Variants in TSPAN5 observed in about 807,000 individuals in gnomAD.
TSPAN5 encodes tetraspanin 5, also known as tetraspanin-5.
In TSPAN5, 10 loss-of-function variants were observed where a neutral mutation model predicts 37.1. That is an observed-to-expected ratio of 0.27 (90% CI 0.17 to 0.46). The LOEUF (loss-of-function observed/expected upper bound fraction) is 0.46. Among genes scored for constraint, TSPAN5 ranks in the 20% least tolerant of loss-of-function variants. The probability of loss-of-function intolerance (pLI) is 1.00; values close to 1 mark genes in which losing one functional copy is unlikely to be tolerated. For missense variants in TSPAN5, 195 were observed against 326.6 expected (o/e 0.60, Z 3.11); for synonymous variants, 110 against 118.9 (o/e 0.93, Z 0.48).
At chr4:98,532,949 T>C (rs560778749) in intron 1 of TSPAN5, among the ~76,000 whole-genome samples, 4 of 152,222 alleles carry the variant, frequency 2.6e-5, no homozygotes, top group Non-Finnish European at 5.9e-5. Context: ...GAGATAATCA[T>C]GCGGTTTTTG....
intron 1 of TSPAN5, among the ~76,000 whole-genome samples, chr4:98,562,675 A>G (rs1754908358): frequency 6.6e-6 from 1 of 151,874 alleles, no homozygotes; most frequent in Non-Finnish European, 1.5e-5. Flanking sequence ...ACAAAACAAA[A>G]CAAAACAAAA....
In TSPAN5 at chr4:98,645,284, A is replaced by C. The variant is rs187367565; in HGVS notation, c.81+12862T>G. 4.9e-3 allele frequency among the ~76,000 whole-genome samples: 743 copies of C among 152,364 alleles called. 6 individuals are homozygous for C. Among genetic ancestry groups the C allele is most frequent in the South Asian group, 0.019 (92 of 4,828 alleles). ...AATAATAGCTACCTAGAAGTTAGTA[A>C]GTCATATTATTGTCATTATATGCAT... On this transcript the variant is annotated intron_variant, in intron 1 of 7. Transcript: ENST00000305798.
intron 1 of TSPAN5, among the ~76,000 whole-genome samples, chr4:98,564,558 C>T (rs1178844976): frequency 7.0e-6 from 1 of 141,972 alleles, no homozygotes; most frequent in African/African-American, 2.7e-5. Context: ...GCTTCCCACA[C>T]CTAACCTAAG....
chr4:98,500,053 A>C (rs1365346007), intron 2 of TSPAN5: 1 of 152,192 alleles, frequency 6.6e-6, no homozygotes, highest in Admixed American at 6.5e-5. Context: ...CAATAAAACC[A>C]AGTCTTCATA....
At position 98,470,394 on chromosome 4, in the gene TSPAN5, A is replaced by AGCCTTTAT. The variant is rs1485053877; in HGVS notation, c.*2120_*2127dup. The AGCCTTTAT allele has an allele frequency of 6.6e-6, 1 of 152,268 alleles. No homozygotes were observed. Among genetic ancestry groups the AGCCTTTAT allele is most frequent in the Non-Finnish European group, 1.5e-5 (1 of 68,050 alleles). The allele number at this position is 152,268 out of a possible 1,614,324, so 9.4% of individuals were successfully genotyped here. A position where few individuals can be genotyped will look rare whatever the true frequency, so the allele number is the denominator to read the frequency against. On this transcript the variant is annotated 3_prime_UTR_variant, in exon 8 of 8. Transcript: ENST00000305798. ...AGGTAGAACCAAGTTTATTAATGACAGCCTTTATTACAATCACTCTCAAGT... is the reference window on the plus strand; with the variant it reads ...AGGTAGAACCAAGTTTATTAATGACAGCCTTTATGCCTTTATTACAATCACTCTCAAGT...
intron 1 of TSPAN5, among the ~76,000 whole-genome samples, chr4:98,585,844 A>G (rs1322470563): frequency 6.6e-6 from 1 of 152,164 alleles, no homozygotes. Context: ...AATCTCCTCC[A>G]CTGTGAAATG....
intron 1 of TSPAN5, among the ~76,000 whole-genome samples, chr4:98,567,494 C>T (rs2110176894): frequency 6.6e-6 from 1 of 152,330 alleles, no homozygotes; most frequent in East Asian, 1.9e-4. Flanking sequence ...AGAACTTTTA[C>T]ACAATTGGTT....
At chr4:98,490,520 T>C (rs1753062516) in intron 2 of TSPAN5, among the ~76,000 whole-genome samples, 1 of 152,180 alleles carries the variant, frequency 6.6e-6, no homozygotes, top group Admixed American at 6.5e-5. Context: ...ATTCTACTTA[T>C]TTAATCCTAA....
chr4:98,612,441 T>C (rs1579029747), intron 1 of TSPAN5, among the ~76,000 whole-genome samples: 1 of 152,204 alleles, frequency 6.6e-6, no homozygotes, highest in African/African-American at 2.4e-5. Flanking sequence ...ATTCTTTTGC[T>C]TAAACTAATC....
intron 1 of TSPAN5, among the ~76,000 whole-genome samples, chr4:98,655,048 T>C (rs1757266991): frequency 6.6e-6 from 1 of 152,210 alleles, no homozygotes; most frequent in Non-Finnish European, 1.5e-5. Context: ...AGTTTCACCA[T>C]GTTGGCCAGG....
rs372391174 is a variant in TSPAN5 at position 98,543,055 on chromosome 4, A to G, written c.82-35327T>C. 9.4e-4 allele frequency among the ~76,000 whole-genome samples: 143 copies of G among 152,302 alleles called. 2 individuals carry two copies. Among genetic ancestry groups the G allele is most frequent in the African/African-American group, 3.2e-3 (135 of 41,568 alleles). The stretch of plus-strand genomic sequence containing the variant: ...CATACCACTGGGGGAAAAATATCAG[A>G]GTCTCCATGCACACAGCACGAGCAG... On this transcript the variant is annotated intron_variant, in intron 1 of 7. Transcript: ENST00000305798.
In TSPAN5 at chr4:98,482,167, C is replaced by T; in HGVS notation, c.288G>A (p.Val96=). ...ENTFLLKFFS[V]FLGIIFFLEL... ...CCAGGAAGAAAATAATTCCCAGGAA[C>T]ACAGAAAACTAAGATAAAAGACACA... The change falls in exon 4 of 8, where the codon GTG becomes GTA. Residue 96 remains valine (V), a synonymous_variant. Transcript: ENST00000305798. The T allele has an allele frequency of 6.2e-7, 1 of 1,613,584 alleles. No homozygotes were observed. Among genetic ancestry groups the T allele is most frequent in the Non-Finnish European group, 8.5e-7 (1 of 1,179,864 alleles).
intron 2 of TSPAN5, among the ~76,000 whole-genome samples, chr4:98,487,401 CCT>C (rs1334148323): frequency 3.9e-5 from 6 of 152,078 alleles, no homozygotes; most frequent in Non-Finnish European, 5.9e-5. Context: ...ACACACACCC[CCT>C]GACCCCCAGA....
chr4:98,575,203 T>C (rs930783945), intron 1 of TSPAN5, among the ~76,000 whole-genome samples: 3 of 152,040 alleles, frequency 2.0e-5, no homozygotes, highest in Admixed American at 2.0e-4. Context: ...TATACAAATA[T>C]CTGGAAAACA....
chr4:98,646,083 G>GT (rs1757062257), intron 1 of TSPAN5, among the ~76,000 whole-genome samples: 1 of 151,734 alleles, frequency 6.6e-6, no homozygotes, highest in African/African-American at 2.4e-5. Flanking sequence ...CACGTCTCCT[G>GT]TGTCAGGGGA....
In TSPAN5 at chr4:98,563,776, G is replaced by A. The variant is rs188132588; in HGVS notation, c.82-56048C>T. On this transcript the variant is annotated intron_variant, in intron 1 of 7. Transcript: ENST00000305798. ...GTGTCAAACCAGTGGTTCCAAAATGGAGGCAATTCTGGGCCTCCCTGAGAG... is the reference window on the plus strand; with the variant it reads ...GTGTCAAACCAGTGGTTCCAAAATGAAGGCAATTCTGGGCCTCCCTGAGAG... 3.1e-3 allele frequency among the ~76,000 whole-genome samples: 470 copies of A among 152,304 alleles called. 3 individuals carry two copies. The highest frequency in any genetic ancestry group is 0.011 in the African/African-American group (449 of 41,578).
chr4:98,541,383 A>G (rs6532742), intron 1 of TSPAN5, among the ~76,000 whole-genome samples: 1 of 151,906 alleles, frequency 6.6e-6, no homozygotes, highest in Non-Finnish European at 1.5e-5. Flanking sequence ...CCATAAGAAA[A>G]TGTGGGATAG....
Position 98,476,570 on chromosome 4 carries a change from G to T in TSPAN5, c.577-110C>A, listed in dbSNP as rs1270103270. The T allele has an allele frequency of 7.3e-6, 7 of 963,362 alleles. No individual in the cohort carries two copies. In the Admixed American group the frequency reaches 1.1e-4, roughly 16 times the overall value. 59.7% of individuals were successfully genotyped at this position (963,362 alleles called of 1,614,324 possible). A position where few individuals can be genotyped will look rare whatever the true frequency, so the allele number is the denominator to read the frequency against. On this transcript the variant is annotated intron_variant, in intron 5 of 7. Transcript: ENST00000305798. Reference sequence around the variant, plus strand: ...CATTAGTAATAAAATGTGTATCTGGGCACAAAGACTGCAGCACTATGTTAA... The same window carrying T: ...CATTAGTAATAAAATGTGTATCTGGTCACAAAGACTGCAGCACTATGTTAA...
chr4:98,473,596 A>C (rs1443045246), intron 7 of TSPAN5, among the ~76,000 whole-genome samples: 2 of 151,816 alleles, frequency 1.3e-5, no homozygotes, highest in African/African-American at 4.8e-5. Flanking sequence ...AGTAGCTGGG[A>C]CTACAGGCGC....
Sources: allele counts gnomAD v4.1 joint callset (sites outside exome capture counted in the v4.1 genomes callset), GRCh38; gene constraint gnomAD v4.1.1; transcripts MANE v1.5; gene names NCBI Gene and HGNC (gene_info 2026-07-23, HGNC 2026-07-21).